EBF1: variants seen among roughly 807,000 people sequenced by gnomAD.
The protein encoded by EBF1 is transcription factor COE1.
A neutral mutation model predicts 68.4 loss-of-function variants in EBF1; 10 were observed. The ratio of observed to expected loss-of-function variants is 0.15; its 90% CI spans 0.09 to 0.25. The LOEUF (loss-of-function observed/expected upper bound fraction) is 0.25, where lower values mean the gene tolerates loss of function less well. EBF1 is among the 10% of genes least tolerant of loss of function. The pLI, the probability that EBF1 is intolerant of heterozygous loss-of-function variation, is 1.00. For synonymous variants in EBF1, 298 were observed against 299.8 expected, an observed-to-expected ratio of 0.99 and a Z score of 0.06; for missense variants, 509 against 794.4, an observed-to-expected ratio of 0.64 and a Z score of 4.32.
chr5:158,869,994 C>T (rs1796602320), intron 6 of EBF1, among the ~76,000 whole-genome samples: 1 of 152,118 alleles, frequency 6.6e-6, no homozygotes. Context: ...ATGCCAAATA[C>T]TCATAAAGAG....
chr5:159,027,691 C>T (rs1434401506), intron 6 of EBF1, among the ~76,000 whole-genome samples: 1 of 152,198 alleles, frequency 6.6e-6, no homozygotes, highest in East Asian at 1.9e-4. Context: ...TGCCTGACTT[C>T]TCAGCACTGT....
At chr5:158,820,118 T>C (rs913933871) in intron 8 of EBF1, among the ~76,000 whole-genome samples, 3 of 151,896 alleles carry the variant, frequency 2.0e-5, no homozygotes, top group African/African-American at 4.8e-5. Context: ...AGGATATAAA[T>C]AGAGATTTGC....
At chr5:158,960,794 CT>C (rs1323008979) in intron 6 of EBF1, among the ~76,000 whole-genome samples, 1 of 152,168 alleles carries the variant, frequency 6.6e-6, no homozygotes, top group Non-Finnish European at 1.5e-5. Flanking sequence ...GTGGGAGAAG[CT>C]GGCTGCCATG....
At chr5:158,839,009 C>G (rs946910110) in intron 7 of EBF1, among the ~76,000 whole-genome samples, 7 of 152,170 alleles carry the variant, frequency 4.6e-5, no homozygotes, top group Admixed American at 3.9e-4. Flanking sequence ...CACCCCAGAC[C>G]TCTATTAACA....
At chr5:159,075,787 A>C (rs964381006) in intron 5 of EBF1, among the ~76,000 whole-genome samples, 3 of 151,840 alleles carry the variant, frequency 2.0e-5, no homozygotes, top group African/African-American at 7.3e-5. Context: ...CCACCTCCCA[A>C]CCTTCTGCCC....
intron 6 of EBF1, among the ~76,000 whole-genome samples, chr5:159,071,737 GAA>G (rs756113435): frequency 6.6e-5 from 8 of 121,646 alleles, no homozygotes; most frequent in African/African-American, 1.5e-4. Flanking sequence ...ATTCACAAGC[GAA>G]AAAAAAAAAA....
At chr5:158,999,058 G>A (rs1225680301) in intron 6 of EBF1, among the ~76,000 whole-genome samples, 1 of 151,688 alleles carries the variant, frequency 6.6e-6, no homozygotes, top group East Asian at 1.9e-4. Flanking sequence ...ACACACAAGA[G>A]TTTTTGTGTT....
intron 6 of EBF1, among the ~76,000 whole-genome samples, chr5:158,915,127 C>T (rs532446222): frequency 7.2e-5 from 11 of 152,066 alleles, no homozygotes; most frequent in Admixed American, 2.0e-4. Context: ...CAGGCTCTAC[C>T]GGAGTATTAT....
At chr5:159,007,219 G>A (rs1763742491) in intron 6 of EBF1, among the ~76,000 whole-genome samples, 1 of 151,962 alleles carries the variant, frequency 6.6e-6, no homozygotes, top group African/African-American at 2.4e-5. Flanking sequence ...AGGAACAGCT[G>A]GGAAAGGAAA....
intron 6 of EBF1, among the ~76,000 whole-genome samples, chr5:159,012,017 A>G (rs1022600388): frequency 1.3e-5 from 2 of 152,192 alleles, no homozygotes; most frequent in Non-Finnish European, 2.9e-5. Context: ...GGCCGGGTGC[A>G]GTGACTCACG....
At chr5:159,003,868 G>C (rs1023755679) in intron 6 of EBF1, among the ~76,000 whole-genome samples, 11 of 152,208 alleles carry the variant, frequency 7.2e-5, no homozygotes, top group Non-Finnish European at 1.5e-4. Context: ...TGAGTAAGTG[G>C]TGTAGTCAGG....
At chr5:159,073,631 T>C in intron 5 of EBF1, 167 bp from the exon 6 acceptor site, 1 of 679,042 alleles carries the variant, frequency 1.5e-6, no homozygotes, top group South Asian at 1.8e-5. Context: ...GGGTCACCTA[T>C]GGGTTAATGG....
chr5:159,081,446 T>G (rs1416936952), intron 5 of EBF1, among the ~76,000 whole-genome samples: 1 of 152,248 alleles, frequency 6.6e-6, no homozygotes, highest in African/African-American at 2.4e-5. Flanking sequence ...ATCTGCAGTT[T>G]CAGGCATCCA....
rs72810391 is a variant in EBF1, at chr5:158,799,433, T to A, written c.779-2958A>T. On this transcript the variant is annotated intron_variant, in intron 8 of 15. Transcript: ENST00000313708. Reference sequence around the variant, plus strand: ...TGTCTCTTAAAATAAATAAATAAATTAATTAATTAAATTAAATTAAAGAAT... The same window carrying A: ...TGTCTCTTAAAATAAATAAATAAATAAATTAATTAAATTAAATTAAAGAAT... 6.2e-3 allele frequency among the ~76,000 whole-genome samples: 204 copies of A among 32,928 alleles called. No homozygotes were observed. The Middle Eastern group carries it at 0.071, about 12-fold the overall frequency. 21.6% of individuals were successfully genotyped at this position (32,928 alleles called of 152,430 possible).
chr5:158,859,724 T>C (rs1182248015), intron 6 of EBF1, among the ~76,000 whole-genome samples: 1 of 152,196 alleles, frequency 6.6e-6, no homozygotes, highest in Non-Finnish European at 1.5e-5. Flanking sequence ...TCCCTCTGTC[T>C]GGAAAGCTGT....
At chr5:158,890,429 T>A (rs577505175) in intron 6 of EBF1, among the ~76,000 whole-genome samples, 1 of 152,208 alleles carries the variant, frequency 6.6e-6, no homozygotes, top group African/African-American at 2.4e-5. Context: ...CTCAGAACCA[T>A]GCAAACTTCT....
chr5:159,096,641 C>T (rs1485343297), intron 2 of EBF1: 4 of 618,364 alleles, frequency 6.5e-6, no homozygotes, highest in Non-Finnish European at 8.5e-6. Flanking sequence ...TATCCTCTTT[C>T]CAGGGCCTAG....
At chr5:159,054,430 G>C (rs754817351) in intron 6 of EBF1, among the ~76,000 whole-genome samples, 3 of 152,030 alleles carry the variant, frequency 2.0e-5, no homozygotes, top group Non-Finnish European at 4.4e-5. Flanking sequence ...AGAGAGATCT[G>C]GTTCCCATCC....
intron 6 of EBF1, chr5:158,941,229 A>T (rs1175544686): frequency 2.2e-6 from 1 of 456,006 alleles, no homozygotes; most frequent in East Asian, 7.0e-5. Context: ...TTTGAGGAAG[A>T]ATGATAATGT....
Sources: gnomAD v4.1 joint callset for allele counts (sites outside exome capture counted in the v4.1 genomes callset) on GRCh38, gnomAD v4.1.1 for gene constraint, MANE v1.5 for transcripts, NCBI Gene and HGNC (gene_info 2026-07-23, HGNC 2026-07-21) for gene names.